GPATCH8: variants seen among roughly 807,000 people sequenced by gnomAD.
GPATCH8 encodes G patch domain-containing protein 8.
In GPATCH8, 18 loss-of-function variants were observed where a neutral mutation model predicts 118.3. That is an observed-to-expected ratio of 0.15 (90% CI 0.11 to 0.23). GPATCH8 has a LOEUF of 0.23. Ranked by LOEUF, GPATCH8 falls within the 10% of genes least tolerant of loss-of-function variation. GPATCH8 has a pLI of 1.00. For synonymous variants in GPATCH8, 659 were observed against 684.7 expected, an observed-to-expected ratio of 0.96 and a Z score of 0.59; for missense variants, 1,631 against 1,873.8, an observed-to-expected ratio of 0.87 and a Z score of 2.39.
chr17:44,406,238 T>A (rs550109709), intron 6 of GPATCH8, among the ~76,000 whole-genome samples, 187 bp from the exon 7 acceptor site: 1 of 152,308 alleles, frequency 6.6e-6, no homozygotes, highest in South Asian at 2.1e-4. Context: ...ACTTGCAGTA[T>A]CTGCATTTCT....
In GPATCH8 at chr17:44,425,158, A is replaced by G. The variant is rs549101078; in HGVS notation, c.349-666T>C. Among the ~76,000 whole-genome samples, 7 of 152,338 alleles carry G rather than the reference A, an allele frequency of 4.6e-5. No individual in the cohort carries two copies. The South Asian group carries it at 1.2e-3, about 27-fold the overall frequency. ...AAACAATTAAAAGATACCTCAAAGC[A>G]AGTTGAGTATATTCATTTGCTAATG... is the stretch of plus-strand genomic sequence containing the variant. On this transcript the variant is annotated intron_variant, in intron 5 of 7. Coordinates refer to ENST00000591680, the MANE Select transcript of GPATCH8 (RefSeq NM_001002909.4).
At chr17:44,488,175 G>A (rs377234304) in intron 1 of GPATCH8, among the ~76,000 whole-genome samples, 11 of 149,750 alleles carry the variant, frequency 7.3e-5, no homozygotes, top group East Asian at 2.0e-4. Flanking sequence ...CACCTGCCTC[G>A]GCCTCCCAGA....
intron 1 of GPATCH8, among the ~76,000 whole-genome samples, chr17:44,490,373 AACTAAAACTCATGGTTATCCT>A (rs1329643400): frequency 6.6e-6 from 1 of 152,184 alleles, no homozygotes; most frequent in African/African-American, 2.4e-5. Flanking sequence ...AAAAGGTATA[AACTAAAACTCATGGTTATCCT>A]AATAAAAATT....
intron 1 of GPATCH8, among the ~76,000 whole-genome samples, chr17:44,494,710 T>A (rs1969531617): frequency 6.6e-6 from 1 of 152,246 alleles, no homozygotes; most frequent in African/African-American, 2.4e-5. Flanking sequence ...ATCAGCACTT[T>A]AACTATATGG....
At chr17:44,404,332 AG>A (rs908927632) in intron 7 of GPATCH8, among the ~76,000 whole-genome samples, 1 of 151,728 alleles carries the variant, frequency 6.6e-6, no homozygotes. Flanking sequence ...TTTTAGAGAC[AG>A]GGTCTTCCTA....
intron 3 of GPATCH8, among the ~76,000 whole-genome samples, chr17:44,453,852 A>T (rs1317069687): frequency 6.6e-6 from 1 of 151,940 alleles, no homozygotes; most frequent in Non-Finnish European, 1.5e-5. Flanking sequence ...TTTTTAAACT[A>T]TTCCTGGAGA....
chr17:44,443,094 GA>G (rs2050759124), intron 3 of GPATCH8, among the ~76,000 whole-genome samples: 1 of 151,814 alleles, frequency 6.6e-6, no homozygotes, highest in African/African-American at 2.4e-5. Context: ...GAAAAGAGGG[GA>G]AAAAAGACCA....
At chr17:44,414,294 T>C (rs1032608285) in intron 6 of GPATCH8, among the ~76,000 whole-genome samples, 1 of 151,824 alleles carries the variant, frequency 6.6e-6, no homozygotes, top group Non-Finnish European at 1.5e-5. Context: ...AGACTTCATA[T>C]ACCCTAAAAT....
chr17:44,441,093 C>A (rs951836658), intron 3 of GPATCH8, among the ~76,000 whole-genome samples: 4 of 152,124 alleles, frequency 2.6e-5, no homozygotes, highest in South Asian at 2.1e-4. Context: ...TCATGATCTG[C>A]CACCTTGGCC....
At position 44,496,871 on chromosome 17, in the gene GPATCH8, G is replaced by A. The variant is rs73307832; in HGVS notation, c.45+6455C>T. ...TTTAACTTTTTGCATTGACTAATACGATATGCATTAAGCACATTTGCTTAG... is the reference window on the plus strand; with the variant it reads ...TTTAACTTTTTGCATTGACTAATACAATATGCATTAAGCACATTTGCTTAG... On this transcript the variant is annotated intron_variant, in intron 1 of 7. Coordinates refer to ENST00000591680, the MANE Select transcript of GPATCH8 (RefSeq NM_001002909.4). Among the ~76,000 whole-genome samples, 950 of 152,170 alleles carry A rather than the reference G, an allele frequency of 6.2e-3. 6 individuals are homozygous for A. Among genetic ancestry groups the A allele is most frequent in the African/African-American group, 0.022 (910 of 41,510 alleles).
At position 44,396,631 on chromosome 17, in the gene GPATCH8, T is replaced by C. The variant is rs1008542743; in HGVS notation, c.*937A>G. The C allele has an allele frequency of 4.5e-6, 2 of 446,856 alleles. No homozygotes were observed. The highest frequency in any genetic ancestry group is 4.0e-5 in the African/African-American group (2 of 49,418). The allele number at this position is 446,856 out of a possible 1,614,324, so 27.7% of individuals were successfully genotyped here. On this transcript the variant is annotated 3_prime_UTR_variant, in exon 8 of 8. Coordinates refer to ENST00000591680, the MANE Select transcript of GPATCH8 (RefSeq NM_001002909.4). ...TCTTAATTCAACTAGGGCAAACATA[T>C]TTACACAAAGCCACCAGAACGAGGA...
chr17:44,501,093 T>A lies in GPATCH8; in HGVS notation c.45+2233A>T, dbSNP rs191627966. ...AGGTTTCCATTCCCAATACCCTATT[T>A]ACCCAAAATGCTAGGACATCTGAAT... On this transcript the variant is annotated intron_variant, in intron 1 of 7. Transcript: ENST00000591680. Among the ~76,000 whole-genome samples the A allele has an allele frequency of 2.4e-3, 365 of 152,286 alleles. 2 individuals carry two copies. The highest frequency in any genetic ancestry group is 4.1e-3 in the Admixed American group (62 of 15,294).
chr17:44,491,451 G>GC (rs1019645753), intron 1 of GPATCH8, among the ~76,000 whole-genome samples: 8 of 139,458 alleles, frequency 5.7e-5, no homozygotes, highest in African/African-American at 2.2e-4. Context: ...TTGCGCCACT[G>GC]CACTCCAGCC....
Position 44,400,625 on chromosome 17 carries a change from C to G in GPATCH8, c.1452G>C (p.Lys484Asn). 4 of 1,613,978 alleles carry G rather than the reference C, an allele frequency of 2.5e-6. No homozygotes were observed. Among genetic ancestry groups the G allele is most frequent in the Non-Finnish European group, 2.5e-6 (3 of 1,179,858 alleles). Residue 484 changes from lysine to asparagine, a missense_variant, in exon 8 of 8, where the codon AAG becomes AAC. Transcript: ENST00000591680. Reference protein sequence around the residue: ...SEPGSKAEAKKALGGDVSDQS... With the variant: ...SEPGSKAEAKNALGGDVSDQS... ...GATCACTTACATCCCCTCCTAAGGC[C>G]TTCTTTGCCTCAGCTTTGCTTCCTG...
intron 1 of GPATCH8, among the ~76,000 whole-genome samples, chr17:44,495,067 G>C (rs766468392): frequency 6.6e-6 from 1 of 152,158 alleles, no homozygotes; most frequent in Non-Finnish European, 1.5e-5. Flanking sequence ...CAACACGGTG[G>C]CTCACACCTG....
At chr17:44,452,272 C>CAAAAAAAAAAAAAAAA (rs1187689963) in intron 3 of GPATCH8, among the ~76,000 whole-genome samples, 7 of 43,490 alleles carry the variant, frequency 1.6e-4, no homozygotes, top group Non-Finnish European at 2.7e-4. Flanking sequence ...CACTCCGTCT[C>CAAAAAAAAAAAAAAAA]AAAAAAAAAA....
At chr17:44,487,664 A>T (rs1255031539) in intron 1 of GPATCH8, among the ~76,000 whole-genome samples, 1 of 152,154 alleles carries the variant, frequency 6.6e-6, no homozygotes, top group Non-Finnish European at 1.5e-5. Flanking sequence ...CTTACCAATT[A>T]TTTCTTTCAT....
At chr17:44,456,990 G>A (rs1286182474) in intron 3 of GPATCH8, among the ~76,000 whole-genome samples, 1 of 151,982 alleles carries the variant, frequency 6.6e-6, no homozygotes, top group African/African-American at 2.4e-5. Flanking sequence ...AGCCTCCTGA[G>A]TAGCTGGGAT....
intron 3 of GPATCH8, among the ~76,000 whole-genome samples, chr17:44,461,105 T>G (rs1044463459): frequency 6.6e-6 from 1 of 152,246 alleles, no homozygotes; most frequent in African/African-American, 2.4e-5. Context: ...ATACTTCACA[T>G]ACACAACTGT....
Sources: gnomAD v4.1 joint callset for allele counts (sites outside exome capture counted in the v4.1 genomes callset) on GRCh38, gnomAD v4.1.1 for gene constraint, MANE v1.5 for transcripts, NCBI Gene and HGNC (gene_info 2026-07-23, HGNC 2026-07-21) for gene names.